The following PPP2R2B variants were observed in gnomAD, a reference collection of about 807,000 sequenced individuals.
PPP2R2B encodes the protein serine/threonine-protein phosphatase 2A 55 kDa regulatory subunit B beta isoform.
In PPP2R2B, 5 loss-of-function variants were observed where a neutral mutation model predicts 46.0. The ratio of observed to expected loss-of-function variants is 0.11; its 90% CI spans 0.06 to 0.23. PPP2R2B has a LOEUF of 0.23. Among genes scored for constraint, PPP2R2B ranks in the 10% least tolerant of loss-of-function variants. The pLI is 1.00. For synonymous variants in PPP2R2B, 215 were observed against 206.7 expected (o/e 1.04, Z -0.34); for missense variants, 367 against 575.0 (o/e 0.64, Z 3.70).
intron 1 of PPP2R2B, among the ~76,000 whole-genome samples, chr5:146,917,330 G>A (rs756964707): frequency 7.2e-5 from 11 of 152,126 alleles, no homozygotes; most frequent in Non-Finnish European, 1.2e-4. Flanking sequence ...TGTGTTTTCC[G>A]ATGCCACTTT....
intron 1 of PPP2R2B, among the ~76,000 whole-genome samples, chr5:146,994,824 G>A (rs1476526742): frequency 6.6e-6 from 1 of 152,202 alleles, no homozygotes; most frequent in African/African-American, 2.4e-5. Flanking sequence ...TGCAAGAGAT[G>A]CAGTGGTAGT....
At chr5:146,622,737 T>C (rs1010316714) in intron 7 of PPP2R2B, among the ~76,000 whole-genome samples, 1 of 152,236 alleles carries the variant, frequency 6.6e-6, no homozygotes, top group African/African-American at 2.4e-5. Flanking sequence ...CTTTCTTCTC[T>C]GAACTTCTAT....
At chr5:146,967,041 T>C (rs2151845751) in intron 1 of PPP2R2B, among the ~76,000 whole-genome samples, 1 of 152,320 alleles carries the variant, frequency 6.6e-6, no homozygotes, top group East Asian at 1.9e-4. Flanking sequence ...TTTACAGATT[T>C]GAAAGCTGAG....
In PPP2R2B at chr5:146,581,750, G is replaced by A. The variant is rs1436098055; in HGVS notation, c.*8197C>T. 2.0e-5 allele frequency: 3 copies of A among 152,132 alleles called. No individual in the cohort carries two copies. Among genetic ancestry groups the A allele is most frequent in the Non-Finnish European group, 4.4e-5 (3 of 68,044 alleles). The allele number at this position is 152,132 out of a possible 1,614,324, so 9.4% of individuals were successfully genotyped here. On this transcript the variant is annotated 3_prime_UTR_variant, in exon 10 of 10. Transcript: ENST00000394411. ...ATGACTCACTTTACTTTCCTTTACGGAGAAATAGATTGTCTTTAATATGCA... is the reference window on the plus strand; with the variant it reads ...ATGACTCACTTTACTTTCCTTTACGAAGAAATAGATTGTCTTTAATATGCA...
intron 1 of PPP2R2B, among the ~76,000 whole-genome samples, chr5:146,994,960 CCTAT>C (rs1322681438): frequency 6.6e-6 from 1 of 152,054 alleles, no homozygotes; most frequent in Admixed American, 6.5e-5. Flanking sequence ...TTCTTGGGAA[CCTAT>C]ATAGGAGGAG....
chr5:146,680,696 T>C (rs190769138), intron 5 of PPP2R2B, among the ~76,000 whole-genome samples: 1 of 152,314 alleles, frequency 6.6e-6, no homozygotes, highest in East Asian at 1.9e-4. Context: ...AGTGTGTGTA[T>C]GCATGTGTGT....
chr5:146,739,863 A>G (rs910193578), intron 2 of PPP2R2B, among the ~76,000 whole-genome samples: 1 of 152,320 alleles, frequency 6.6e-6, no homozygotes, highest in Non-Finnish European at 1.5e-5. Flanking sequence ...ATTTTAATGA[A>G]TAATGTCTGT....
intron 2 of PPP2R2B, among the ~76,000 whole-genome samples, chr5:146,718,135 G>C (rs552070362): frequency 6.6e-6 from 1 of 151,482 alleles, no homozygotes; most frequent in Non-Finnish European, 1.5e-5. Context: ...TTTAACCAAC[G>C]GTATTCCTGG....
At chr5:146,717,239 C>T (rs542930554) in intron 2 of PPP2R2B, among the ~76,000 whole-genome samples, 3 of 152,282 alleles carry the variant, frequency 2.0e-5, no homozygotes. Flanking sequence ...ATGCTTTCTC[C>T]AGGAATAGCA....
rs370618623 is a variant in PPP2R2B at position 146,892,461 on chromosome 5, A to T, written c.79+163204T>A. 1.7e-4 allele frequency among the ~76,000 whole-genome samples: 26 copies of T among 152,332 alleles called. No homozygotes were observed. The East Asian group carries it at 5.0e-3, about 29-fold the overall frequency. On this transcript the variant is annotated intron_variant, in intron 1 of 8. Transcript: ENST00000336640. ...GTGCCTGATTAAAATATACATGCACACATGCACGTGAGCACCTCTCTGTCC... is the reference window on the plus strand; with the variant it reads ...GTGCCTGATTAAAATATACATGCACTCATGCACGTGAGCACCTCTCTGTCC...
chr5:146,919,118 A>T (rs141284379), intron 1 of PPP2R2B, among the ~76,000 whole-genome samples: 1 of 152,372 alleles, frequency 6.6e-6, no homozygotes, highest in East Asian at 1.9e-4. Context: ...GCCCAAAGAC[A>T]TAATTAGCAT....
chr5:146,994,993 G>A (rs1753861007), intron 1 of PPP2R2B, among the ~76,000 whole-genome samples: 1 of 152,170 alleles, frequency 6.6e-6, no homozygotes, highest in Non-Finnish European at 1.5e-5. Context: ...CCAAGACTGA[G>A]GTGGGTGCAG....
chr5:146,982,853 C>G (rs967532210), intron 1 of PPP2R2B, among the ~76,000 whole-genome samples: 1 of 152,028 alleles, frequency 6.6e-6, no homozygotes, highest in Non-Finnish European at 1.5e-5. Flanking sequence ...GTAGCCACTT[C>G]TGCTTTCTTC....
At chr5:146,897,167 G>T (rs182477579) in intron 1 of PPP2R2B, among the ~76,000 whole-genome samples, 1 of 152,300 alleles carries the variant, frequency 6.6e-6, no homozygotes, top group African/African-American at 2.4e-5. Flanking sequence ...GTGGAGGAAT[G>T]ATGACAGATT....
rs559576853 is a variant in PPP2R2B at position 146,829,010 on chromosome 5, G to C, written c.70+48992C>G. Among the ~76,000 whole-genome samples the C allele has an allele frequency of 4.6e-5, 7 of 152,266 alleles. No homozygotes were observed. The East Asian group carries it at 1.3e-3, about 29-fold the overall frequency. On this transcript the variant is annotated intron_variant, in intron 2 of 9. Coordinates refer to ENST00000394411, the MANE Select transcript of PPP2R2B (RefSeq NM_181675.4). The stretch of plus-strand genomic sequence containing the variant: ...TTTTCCTTAACATAGAGAAGAACGG[G>C]TAAGTGAGCTGAATAATACAGACCT...
rs190379288 is a variant in PPP2R2B, at chr5:147,050,560, C to A, written c.79+5105G>T. 5.3e-5 allele frequency among the ~76,000 whole-genome samples: 8 copies of A among 152,100 alleles called. No homozygotes were observed. In the East Asian group the frequency reaches 9.7e-4, roughly 18 times the overall value. ...AGACTGCATGGGTTCTAATCCTAGC[C>A]CTTGCATTTAACAGCTGTGTGAACT... On this transcript the variant is annotated intron_variant, in intron 1 of 8. Transcript: ENST00000336640.
chr5:147,070,024 C>T (rs149537037), intron 2 of PPP2R2B, among the ~76,000 whole-genome samples: 3,250 of 151,972 alleles, frequency 0.021, 87 homozygotes, highest in African/African-American at 0.064. Context: ...CTCCTGACCT[C>T]GTGATCTGCC....
intron 2 of PPP2R2B, among the ~76,000 whole-genome samples, chr5:146,874,464 C>G (rs1328687090): frequency 6.6e-6 from 1 of 152,210 alleles, no homozygotes; most frequent in Non-Finnish European, 1.5e-5. Flanking sequence ...CATTAAGTAA[C>G]AATAACAGCT....
At chr5:147,076,681 T>C (rs7708484) in intron 2 of PPP2R2B, among the ~76,000 whole-genome samples, 100,086 of 151,970 alleles carry the variant, frequency 0.66, 33,387 homozygotes, top group Middle Eastern at 0.76. Context: ...TTTGGTAGTC[T>C]GAGCATTGTA....
Sources: allele counts gnomAD v4.1 joint callset (sites outside exome capture counted in the v4.1 genomes callset), GRCh38; gene constraint gnomAD v4.1.1; transcripts MANE v1.5; gene names NCBI Gene and HGNC (gene_info 2026-07-23, HGNC 2026-07-21).